CDH9: variants seen among roughly 807,000 people sequenced by gnomAD.
CDH9 encodes the protein cadherin-9.
CDH9 carries 28 observed loss-of-function variants against 70.9 expected under a neutral mutation model. The ratio of observed to expected loss-of-function variants is 0.40; its 90% confidence interval spans 0.29 to 0.54. The LOEUF (loss-of-function observed/expected upper bound fraction) is 0.54. CDH9 is among the 20% of genes least tolerant of loss of function. CDH9 has a pLI of 0.59. For synonymous variants in CDH9, 409 were observed against 343.1 expected (o/e 1.19, Z -2.12); for missense variants, 874 against 984.4 (o/e 0.89, Z 1.50).
intron 2 of CDH9, among the ~76,000 whole-genome samples, chr5:26,950,618 A>G (rs1334107734): frequency 6.6e-6 from 1 of 152,216 alleles, no homozygotes; most frequent in Non-Finnish European, 1.5e-5. Flanking sequence ...AATAAAAATA[A>G]AAAATGAAAT....
At chr5:26,948,022 T>C (rs1741783009) in intron 2 of CDH9, among the ~76,000 whole-genome samples, 1 of 152,118 alleles carries the variant, frequency 6.6e-6, no homozygotes, top group South Asian at 2.1e-4. Flanking sequence ...TCTCCATTTA[T>C]TGGTGGAAGA....
chr5:26,927,050 T>G (rs960735203), intron 2 of CDH9, among the ~76,000 whole-genome samples: 6 of 151,862 alleles, frequency 4.0e-5, no homozygotes, highest in African/African-American at 1.2e-4. Context: ...AAAAGAATAT[T>G]TATCATGTCC....
At chr5:26,889,297 C>G (rs1740616571) in intron 9 of CDH9, among the ~76,000 whole-genome samples, 1 of 152,046 alleles carries the variant, frequency 6.6e-6, no homozygotes, top group South Asian at 2.1e-4. Flanking sequence ...GAAAGAATTA[C>G]TTTGTAAGAA....
At chr5:26,954,453 C>T (rs1035280948) in intron 2 of CDH9, among the ~76,000 whole-genome samples, 3 of 124,122 alleles carry the variant, frequency 2.4e-5, no homozygotes, top group Non-Finnish European at 3.1e-5. Context: ...GGCGCCATCT[C>T]GGCTCACTGC....
intron 1 of CDH9, among the ~76,000 whole-genome samples, chr5:26,997,879 T>C (rs770701032): frequency 1.9e-4 from 29 of 152,238 alleles, no homozygotes; most frequent in Middle Eastern, 6.8e-3. Flanking sequence ...TTTGTATTTT[T>C]AGTAGAGAAG....
At chr5:26,892,619 T>C (rs1178387195) in intron 7 of CDH9, among the ~76,000 whole-genome samples, 1 of 152,218 alleles carries the variant, frequency 6.6e-6, no homozygotes, top group South Asian at 2.1e-4. Context: ...CAGCTCCCAC[T>C]GTAAATCTTA....
chr5:27,030,321 A>T (rs1022646743), intron 1 of CDH9, among the ~76,000 whole-genome samples: 1 of 148,340 alleles, frequency 6.7e-6, no homozygotes, highest in African/African-American at 2.5e-5. Flanking sequence ...TTCCACATCT[A>T]AGGAGTTTCT....
intron 7 of CDH9, among the ~76,000 whole-genome samples, chr5:26,895,904 G>T (rs539151154): frequency 6.6e-6 from 1 of 152,036 alleles, no homozygotes; most frequent in African/African-American, 2.4e-5. Flanking sequence ...TTGCATTCTT[G>T]TTGAATTATT....
intron 11 of CDH9, among the ~76,000 whole-genome samples, chr5:26,882,617 G>T (rs1740485706): frequency 6.6e-6 from 1 of 151,892 alleles, no homozygotes; most frequent in South Asian, 2.1e-4. Flanking sequence ...CAAGCCCATA[G>T]CTTTACATAT....
chr5:26,905,794 T>C (rs1740934973), intron 5 of CDH9, among the ~76,000 whole-genome samples, 165 bp downstream of exon 5: 1 of 114,344 alleles, frequency 8.7e-6, no homozygotes, highest in Non-Finnish European at 1.8e-5. Flanking sequence ...CATCACTCTC[T>C]ATTTGTGGGA....
chr5:26,922,512 A>C (rs756272335), intron 2 of CDH9, among the ~76,000 whole-genome samples: 232 of 152,222 alleles, frequency 1.5e-3, no homozygotes, highest in African/African-American at 3.9e-3. Context: ...TAAGAATTGG[A>C]GGAGAAATAA....
chr5:26,892,831 C>T (rs1216544934), intron 7 of CDH9, among the ~76,000 whole-genome samples: 5 of 151,968 alleles, frequency 3.3e-5, no homozygotes, highest in African/African-American at 7.2e-5. Context: ...TCCAGGTTTC[C>T]GCCATTCTCC....
rs1013426473 is a variant in CDH9, at chr5:26,911,843, C to T, written c.523+3787G>A. Among the ~76,000 whole-genome samples, 7 of 151,706 alleles carry T rather than the reference C, an allele frequency of 4.6e-5. No individual in the cohort carries two copies. In the East Asian group the frequency reaches 9.7e-4, roughly 21 times the overall value. ...TTTATTGGAGTCATTTTATTTTAAC[C>T]GAAAATGGGTTGGGCATTTGGCACT... On this transcript the variant is annotated intron_variant, in intron 3 of 11. Coordinates refer to ENST00000231021, the MANE Select transcript of CDH9 (RefSeq NM_016279.4).
At chr5:26,918,376 A>G (rs1363670632) in intron 2 of CDH9, among the ~76,000 whole-genome samples, 1 of 152,214 alleles carries the variant, frequency 6.6e-6, no homozygotes, top group Non-Finnish European at 1.5e-5. Context: ...ATTCCCTATC[A>G]TGATATTCAT....
chr5:26,960,925 GC>G (rs1742024728), intron 2 of CDH9, among the ~76,000 whole-genome samples: 1 of 151,886 alleles, frequency 6.6e-6, no homozygotes, highest in African/African-American at 2.4e-5. Context: ...CTTTTGTAAA[GC>G]AAAAAGTAAA....
At chr5:26,942,650 G>A (rs1007586) in intron 2 of CDH9, among the ~76,000 whole-genome samples, 121,255 of 152,112 alleles carry the variant, frequency 0.8, 51,098 homozygotes, top group East Asian at 0.99. Context: ...ACTGATTCAT[G>A]ATATGCTGTT....
At chr5:26,897,311 TCATTTTATGAGGCCAG>T (rs1207681929) in intron 7 of CDH9, among the ~76,000 whole-genome samples, 15 of 152,184 alleles carry the variant, frequency 9.9e-5, no homozygotes, top group Admixed American at 3.9e-4. Context: ...TCTCCCCAAT[TCATTTTATGAGGCCAG>T]CATCTTTCTG....
At chr5:26,921,280 A>C (rs894488692) in intron 2 of CDH9, among the ~76,000 whole-genome samples, 1 of 152,150 alleles carries the variant, frequency 6.6e-6, no homozygotes, top group Non-Finnish European at 1.5e-5. Flanking sequence ...TCTGTAGTTA[A>C]CCTGTCAGAA....
intron 7 of CDH9, among the ~76,000 whole-genome samples, chr5:26,892,454 T>C (rs956356538): frequency 6.6e-6 from 1 of 152,164 alleles, no homozygotes; most frequent in Non-Finnish European, 1.5e-5. Context: ...TTTTAGGCTA[T>C]GGGATGAAGT....
Sources: allele counts gnomAD v4.1 joint callset (sites outside exome capture counted in the v4.1 genomes callset), GRCh38; gene constraint gnomAD v4.1.1; transcripts MANE v1.5; gene names NCBI Gene and HGNC (gene_info 2026-07-23, HGNC 2026-07-21).